Variants in HOGA1 observed in about 807,000 individuals in gnomAD.
HOGA1 encodes the protein 4-hydroxy-2-oxoglutarate aldolase 1.
Under a neutral mutation model 34.3 loss-of-function variants are expected in HOGA1, and 30 were observed. That is an observed-to-expected ratio of 0.87 (90% CI 0.65 to 1.19). HOGA1 has a LOEUF of 1.19. Among genes scored for constraint, HOGA1 ranks in the 50% most tolerant of loss-of-function variants. HOGA1 has a pLI of 0.00. For synonymous variants in HOGA1, 161 were observed against 174.0 expected, an observed-to-expected ratio of 0.93 and a Z score of 0.59; for missense variants, 417 against 436.5, an observed-to-expected ratio of 0.96 and a Z score of 0.40.
At chr10:97,600,191 C>T (rs1308549446) in intron 5 of HOGA1, 28 bp downstream of exon 5, 1 of 1,577,748 alleles carries the variant, frequency 6.3e-7, no homozygotes, top group Admixed American at 1.7e-5. Context: ...CTCAAATTGT[C>T]ATGGGTGACC....
At chr10:97,591,256 G>A (rs941246850) in intron 1 of HOGA1, among the ~76,000 whole-genome samples, 1 of 152,040 alleles carries the variant, frequency 6.6e-6, no homozygotes, top group Non-Finnish European at 1.5e-5. Flanking sequence ...TCGTCTTGGT[G>A]CTATCTTTGC....
At position 97,598,856 on chromosome 10, in the gene HOGA1, A is replaced by G. The variant is rs899777899; in HGVS notation, c.293A>G (p.Gln98Arg). The change falls in exon 2 of 7, where the codon CAG (glutamine) becomes CGG (arginine). Residue 98 changes from glutamine to arginine, a missense_variant. Transcript: ENST00000370646. ...CTCGAGGTGGTGAGCCGTGTGCGCC[A>G]GGCCATGCCCAAGAACAGGCTCCTG... ...ERLEVVSRVRQAMPKNRLLLA... is the reference protein window; with the variant it reads ...ERLEVVSRVRRAMPKNRLLLA... 6.2e-7 allele frequency: 1 copy of G among 1,613,986 alleles called. No homozygotes were observed. The highest frequency in any genetic ancestry group is 1.3e-5 in the African/African-American group (1 of 74,908).
At chr10:97,602,751 G>C (rs921170764) in intron 6 of HOGA1, 9 of 257,380 alleles carry the variant, frequency 3.5e-5, no homozygotes, top group Admixed American at 6.6e-5. Flanking sequence ...AGCAATCTCA[G>C]CTCAGTGCAA....
At position 97,601,977 on chromosome 10, in the gene HOGA1, A is replaced by G; in HGVS notation, c.821A>G (p.Glu274Gly). The G allele has an allele frequency of 1.2e-6, 2 of 1,612,504 alleles. No homozygotes were observed. The highest frequency in any genetic ancestry group is 1.7e-6 in the Non-Finnish European group (2 of 1,179,582). The change falls in exon 6 of 7, where the codon GAG becomes GGG. Residue 274 changes from glutamate to glycine, a missense_variant. Physicochemically the swap from Glu to Gly is moderately conservative, Grantham distance 98. Transcript: ENST00000370646. ...DAQKLQHRLIEPNAAVTRRFG... is the reference protein window; with the variant it reads ...DAQKLQHRLIGPNAAVTRRFG... ...CAGAAACTGCAGCACCGCCTCATTG[A>G]GCCAAACGCTGCGGTGAGCCAGTGG...
chr10:97,606,422 A>G (rs10786358), intron 6 of HOGA1, among the ~76,000 whole-genome samples: 91,757 of 152,028 alleles, frequency 0.6, 29,106 homozygotes, highest in Non-Finnish European at 0.72. Flanking sequence ...GTTAATTTTT[A>G]TATAAAGTGT....
At chr10:97,597,689 C>T (rs955126275) in intron 1 of HOGA1, among the ~76,000 whole-genome samples, 1 of 152,122 alleles carries the variant, frequency 6.6e-6, no homozygotes, top group Non-Finnish European at 1.5e-5. Flanking sequence ...GGCATGGGGG[C>T]TCATGACTGT....
chr10:97,603,628 A>C lies in HOGA1; in HGVS notation c.834+1638A>C, dbSNP rs2041136911. 6.6e-6 allele frequency among the ~76,000 whole-genome samples: 1 copy of C among 152,008 alleles called. No homozygotes were observed. Among genetic ancestry groups the C allele is most frequent in the Non-Finnish European group, 1.5e-5 (1 of 68,012 alleles). ...GCCCAGGCTGGAGTGCAGTGGCACA[A>C]TATTGGCTCACTGCAACCTCTGCCC... is the stretch of plus-strand genomic sequence containing the variant. On this transcript the variant is annotated intron_variant, in intron 6 of 6. Transcript: ENST00000370646. The surrounding 1 kb of genome is among the most constrained non-coding windows in gnomAD (Gnocchi z 4.5).
rs534497237 is a variant in HOGA1 at position 97,593,875 on chromosome 10, G to GT, written c.212-4890dup. 5.2e-4 allele frequency among the ~76,000 whole-genome samples: 78 copies of GT among 148,662 alleles called. 1 individual carries two copies. Among genetic ancestry groups the GT allele is most frequent in the South Asian group, 1.5e-3 (7 of 4,678 alleles). On this transcript the variant is annotated intron_variant, in intron 1 of 6. Transcript: ENST00000370646. ...TCTGGGGAACCATGGCAGTCAACTT[G>GT]TTTTTTTTTTGAGACCGAGTTTCAC... is the stretch of plus-strand genomic sequence containing the variant.
At chr10:97,602,302 T>C (rs1030419359) in intron 6 of HOGA1, 8 of 1,308,544 alleles carry the variant, frequency 6.1e-6, no homozygotes, top group Non-Finnish European at 7.9e-6. Flanking sequence ...AGAGTAACCC[T>C]AGGACCACAC....
At chr10:97,608,334 A>T (rs2041171623) in intron 6 of HOGA1, among the ~76,000 whole-genome samples, 3 of 152,156 alleles carry the variant, frequency 2.0e-5, no homozygotes, top group South Asian at 4.1e-4. Flanking sequence ...TAAAAAATAC[A>T]ATAAATAAAA....
intron 4 of HOGA1, 27 bp downstream of exon 4, chr10:97,599,841 G>A (rs930776077): frequency 6.2e-7 from 1 of 1,614,094 alleles, no homozygotes; most frequent in Admixed American, 1.7e-5. Context: ...CCGGGGCTGG[G>A]GTCCTCTCCT....
At position 97,600,082 on chromosome 10, in the gene HOGA1, C is replaced by G; in HGVS notation, c.619C>G (p.Leu207Val). ...GCTGTTGCAGGTGACCAGGATTGGG[C>G]TGATTGTTCACAAGACCAGGAAGCA... ...DSGGDVTRIGLIVHKTRKQDF... is the reference protein window; with the variant it reads ...DSGGDVTRIGVIVHKTRKQDF... The change falls in exon 5 of 7, where the codon CTG becomes GTG. Residue 207 changes from leucine to valine, a missense_variant. Leu to Val is a conservative substitution (Grantham distance 32). Transcript: ENST00000370646. 2 of 1,614,152 alleles carry G rather than the reference C, an allele frequency of 1.2e-6. No individual in the cohort carries two copies. Among genetic ancestry groups the G allele is most frequent in the Non-Finnish European group, 1.7e-6 (2 of 1,180,008 alleles).
chr10:97,604,163 C>T (rs181878361), intron 6 of HOGA1, among the ~76,000 whole-genome samples: 3 of 152,304 alleles, frequency 2.0e-5, no homozygotes, highest in Admixed American at 1.3e-4. Flanking sequence ...CAAGAGTATA[C>T]TATATGGAAT....
At chr10:97,606,330 T>C (rs950314353) in intron 6 of HOGA1, among the ~76,000 whole-genome samples, 5 of 152,006 alleles carry the variant, frequency 3.3e-5, no homozygotes, top group Non-Finnish European at 7.4e-5. Context: ...GAAGAGTTCT[T>C]AGAAGATCGT....
At chr10:97,593,593 C>T (rs2041045828) in intron 1 of HOGA1, among the ~76,000 whole-genome samples, 1 of 152,136 alleles carries the variant, frequency 6.6e-6, no homozygotes, top group South Asian at 2.1e-4. Flanking sequence ...ATGCAAAAAA[C>T]TTTGGCCGCA....
chr10:97,595,871 C>T (rs2041066738), intron 1 of HOGA1, among the ~76,000 whole-genome samples: 1 of 152,144 alleles, frequency 6.6e-6, no homozygotes, highest in Non-Finnish European at 1.5e-5. Flanking sequence ...GCCTTTTCCT[C>T]TCCTCTGGCC....
Position 97,599,704 on chromosome 10 carries a change from G to C in HOGA1, c.493G>C (p.Val165Leu). Residue 165 changes from valine (V) to leucine (L), a missense_variant, in exon 4 of 7, where the codon GTG (valine) becomes CTG (leucine). Physicochemically the swap from Val to Leu is conservative, Grantham distance 32. Coordinates refer to ENST00000370646, the MANE Select transcript of HOGA1 (RefSeq NM_138413.4). ...GGTTGCTGATCTCTCTCCAATCCCTGTGGTGCTGTACAGTGTCCCAGCCAA... is the reference window on the plus strand; with the variant it reads ...GGTTGCTGATCTCTCTCCAATCCCTCTGGTGCTGTACAGTGTCCCAGCCAA... ...TKVADLSPIP[V>L]VLYSVPANTG... The C allele has an allele frequency of 6.2e-7, 1 of 1,614,118 alleles. No individual in the cohort carries two copies. Among genetic ancestry groups the C allele is most frequent in the Non-Finnish European group, 8.5e-7 (1 of 1,180,010 alleles).
intron 6 of HOGA1, 139 bp downstream of exon 6, chr10:97,602,129 G>A: frequency 6.5e-7 from 1 of 1,549,620 alleles, no homozygotes; most frequent in South Asian, 1.2e-5. Context: ...ATCCCAGTGT[G>A]GGAACTCCTT....
At position 97,598,831 on chromosome 10, in the gene HOGA1, C is replaced by G; in HGVS notation, c.268C>G (p.Leu90Val). 6.2e-7 allele frequency: 1 copy of G among 1,614,158 alleles called. No homozygotes were observed. The highest frequency in any genetic ancestry group is 1.6e-4 in the Middle Eastern group (1 of 6,062). Residue 90 changes from leucine (L) to valine (V), a missense_variant, in exon 2 of 7, where the codon CTC becomes GTC. Leu to Val is a conservative substitution (Grantham distance 32). Transcript: ENST00000370646. Reference sequence around the variant, plus strand: ...TCCTTTCCTGACCAGCAGTGAGCGCCTCGAGGTGGTGAGCCGTGTGCGCCA... The same window carrying G: ...TCCTTTCCTGACCAGCAGTGAGCGCGTCGAGGTGGTGAGCCGTGTGCGCCA... ...EFPFLTSSER[L>V]EVVSRVRQAM...
Sources: gnomAD v4.1 joint callset for allele counts (sites outside exome capture counted in the v4.1 genomes callset) on GRCh38, gnomAD v4.1.1 for gene constraint, Gnocchi (gnomAD v3.1) non-coding constraint, MANE v1.5 for transcripts, NCBI Gene and HGNC (gene_info 2026-07-23, HGNC 2026-07-21) for gene names.